Variants in MFSD2B observed in about 807,000 individuals in gnomAD.
The protein encoded by MFSD2B is MFSD2 lysolipid transporter B, sphingolipid.
A neutral mutation model predicts 58.4 loss-of-function variants in MFSD2B; 56 were observed. That is an observed-to-expected ratio of 0.96 (90% CI 0.77 to 1.20). MFSD2B has a LOEUF of 1.20. MFSD2B is among the 50% of genes most tolerant of loss of function. The probability of loss-of-function intolerance (pLI) is 0.00; values close to 1 mark genes in which losing one functional copy is unlikely to be tolerated. For missense variants in MFSD2B, 645 were observed against 667.6 expected (o/e 0.97, Z 0.37); for synonymous variants, 287 against 294.4 (o/e 0.97, Z 0.26).
At position 24,012,171 on chromosome 2, in the gene MFSD2B, C is replaced by A. The variant is rs569740796; in HGVS notation, c.97-1114C>A. On this transcript the variant is annotated intron_variant, in intron 1 of 13. Coordinates refer to ENST00000338315, the MANE Select transcript of MFSD2B (RefSeq NM_001346880.2). This position sits in a 1 kb window ranked among gnomAD's most constrained non-coding sequence, Gnocchi z 4.5. ...AACAAAACACACACACACACACACACACACACACAAAAACAGACAAAAAAA... is the reference window on the plus strand; with the variant it reads ...AACAAAACACACACACACACACACAAACACACACAAAAACAGACAAAAAAA... Among the ~76,000 whole-genome samples the A allele has an allele frequency of 0.12, 3,307 of 28,332 alleles. 138 individuals are homozygous for A. Among genetic ancestry groups the A allele is most frequent in the African/African-American group, 0.19 (2,817 of 14,650 alleles). The allele number at this position is 28,332 out of a possible 152,430, so 18.6% of individuals were successfully genotyped here.
chr2:24,016,328 T>G, intron 3 of MFSD2B, 48 bp downstream of exon 3: 1 of 1,585,218 alleles, frequency 6.3e-7, no homozygotes, highest in South Asian at 1.2e-5. Flanking sequence ...GTCCTGGCCC[T>G]GAGGTCACTG....
Position 24,021,792 on chromosome 2 carries a change from G to A in MFSD2B, c.772+54G>A, listed in dbSNP as rs1196509314. The stretch of plus-strand genomic sequence containing the variant: ...AAGCTGGGGGCAGGGCTCTGCTTGG[G>A]GGCAGGTTTTGCTTTTGAACTCTGC... On this transcript the variant is annotated intron_variant, in intron 7 of 13. Coordinates refer to ENST00000338315, the MANE Select transcript of MFSD2B (RefSeq NM_001346880.2). The surrounding 1 kb of genome is among the most constrained non-coding windows in gnomAD (Gnocchi z 5.7). 1.9e-6 allele frequency: 3 copies of A among 1,612,764 alleles called. No homozygotes were observed. The highest frequency in any genetic ancestry group is 2.5e-6 in the Non-Finnish European group (3 of 1,179,264).
At position 24,017,164 on chromosome 2, in the gene MFSD2B, T is replaced by C; in HGVS notation, c.472-122T>C. The C allele has an allele frequency of 1.6e-6, 2 of 1,279,714 alleles. No homozygotes were observed. Among genetic ancestry groups the C allele is most frequent in the Non-Finnish European group, 2.2e-6 (2 of 926,836 alleles). The allele number at this position is 1,279,714 out of a possible 1,614,324, so 79.3% of individuals were successfully genotyped here. ...TTGGGACCCTAGCTCCGACTTCAGG[T>C]GGCCAGCTGGGATATGTCACGTTGG... is the stretch of plus-strand genomic sequence containing the variant. On this transcript the variant is annotated intron_variant, in intron 4 of 13. Transcript: ENST00000338315. This position sits in a 1 kb window ranked among gnomAD's most constrained non-coding sequence, Gnocchi z 4.8.
chr2:24,022,011 C>T lies in MFSD2B; in HGVS notation c.894+41C>T. 6.2e-7 allele frequency: 1 copy of T among 1,612,858 alleles called. No homozygotes were observed. The highest frequency in any genetic ancestry group is 8.5e-7 in the Non-Finnish European group (1 of 1,179,168). On this transcript the variant is annotated intron_variant, in intron 8 of 13. Transcript: ENST00000338315. This position sits in a 1 kb window ranked among gnomAD's most constrained non-coding sequence, Gnocchi z 4.5. ...TGCCCCCGACAGGCTTGGTGCTGGC[C>T]ATGCTGACCTTGCATAGGTTCAGGG... is the stretch of plus-strand genomic sequence containing the variant.
Position 24,025,562 on chromosome 2 carries a change from C to A in MFSD2B, c.*106C>A. 9.5e-7 allele frequency: 1 copy of A among 1,048,416 alleles called. No homozygotes were observed. 64.9% of individuals were successfully genotyped at this position (1,048,416 alleles called of 1,614,324 possible). On this transcript the variant is annotated 3_prime_UTR_variant, in exon 14 of 14. Coordinates refer to ENST00000338315, the MANE Select transcript of MFSD2B (RefSeq NM_001346880.2). ...CTGGTCTGGCAGTTTAGTATGTGAC[C>A]TTTCTCCCTGGGATGTGGAGTCTTC...
At chr2:24,011,134 G>A (rs1481831772) in intron 1 of MFSD2B, among the ~76,000 whole-genome samples, 1 of 152,210 alleles carries the variant, frequency 6.6e-6, no homozygotes, top group Admixed American at 6.5e-5. Context: ...AGAGATAGCA[G>A]GGCTGCGCCC....
chr2:24,013,279 C>A lies in MFSD2B; in HGVS notation c.97-6C>A. The stretch of plus-strand genomic sequence containing the variant: ...GAGAAGGGCTTAGTTCCTGTGTCTC[C>A]TCCAGGACAGCAGAGCCGGTCGCCT... On this transcript the variant is annotated splice_polypyrimidine_tract_variant and splice_region_variant and intron_variant, in intron 1 of 13. Coordinates refer to ENST00000338315, the MANE Select transcript of MFSD2B (RefSeq NM_001346880.2). 1 of 1,597,196 alleles carries A rather than the reference C, an allele frequency of 6.3e-7. No individual in the cohort carries two copies. Among genetic ancestry groups the A allele is most frequent in the South Asian group, 1.1e-5 (1 of 89,676 alleles).
intron 1 of MFSD2B, among the ~76,000 whole-genome samples, chr2:24,011,626 T>C (rs1414575681): frequency 1.3e-5 from 2 of 152,216 alleles, no homozygotes; most frequent in African/African-American, 4.8e-5. Flanking sequence ...GCCCAGCTTC[T>C]TCCAAAGAAA....
chr2:24,024,324 G>A lies in MFSD2B; in HGVS notation c.1490+53G>A, dbSNP rs373263522. On this transcript the variant is annotated intron_variant, in intron 13 of 13. Transcript: ENST00000338315. This position sits in a 1 kb window ranked among gnomAD's most constrained non-coding sequence, Gnocchi z 4.3. ...GCGAGGCACAGTGTGGGCTGCTGGG[G>A]GAATGACTAACACCAGCCTGCAGAC... 8 of 1,524,914 alleles carry A rather than the reference G, an allele frequency of 5.2e-6. No homozygotes were observed. Among genetic ancestry groups the A allele is most frequent in the Non-Finnish European group, 7.1e-6 (8 of 1,131,144 alleles). 94.5% of individuals were successfully genotyped at this position (1,524,914 alleles called of 1,614,324 possible).
In MFSD2B at chr2:24,022,617, C is replaced by T; in HGVS notation, c.978+101C>T. On this transcript the variant is annotated intron_variant, in intron 9 of 13. Coordinates refer to ENST00000338315, the MANE Select transcript of MFSD2B (RefSeq NM_001346880.2). This position sits in a 1 kb window ranked among gnomAD's most constrained non-coding sequence, Gnocchi z 4.5. ...CACATATGGCCAGAGTTCTGGTGGT[C>T]AACATTTTGGACTTTGCTTTGGTCT... 1.9e-6 allele frequency: 2 copies of T among 1,063,366 alleles called. No homozygotes were observed. The highest frequency in any genetic ancestry group is 2.7e-6 in the Non-Finnish European group (2 of 729,356). 65.9% of individuals were successfully genotyped at this position (1,063,366 alleles called of 1,614,324 possible).
chr2:24,017,252 C>T lies in MFSD2B; in HGVS notation c.472-34C>T. ...GGTCGCCCGCTGTCACCAGGCAAAG[C>T]TGGGGGCGGTTCTAAGCTCTGCCGA... On this transcript the variant is annotated intron_variant, in intron 4 of 13. Coordinates refer to ENST00000338315, the MANE Select transcript of MFSD2B (RefSeq NM_001346880.2). The surrounding 1 kb of genome is among the most constrained non-coding windows in gnomAD (Gnocchi z 4.8). 6.4e-7 allele frequency: 1 copy of T among 1,561,506 alleles called. No homozygotes were observed. Among genetic ancestry groups the T allele is most frequent in the Non-Finnish European group, 8.7e-7 (1 of 1,153,202 alleles).
chr2:24,013,068 C>T (rs769760103), intron 1 of MFSD2B: 3 of 399,746 alleles, frequency 7.5e-6, no homozygotes, highest in Non-Finnish European at 1.3e-5. Context: ...TCCAGAAGAA[C>T]TTCCCCCCTG....
At position 24,013,395 on chromosome 2, in the gene MFSD2B, G is replaced by A. The variant is rs751837281; in HGVS notation, c.207G>A (p.Leu69=). 4 of 1,608,042 alleles carry A rather than the reference G, an allele frequency of 2.5e-6. No individual in the cohort carries two copies. The African/African-American group carries it at 4.0e-5, about 16-fold the overall frequency. Residue 69 remains leucine (L), a synonymous_variant, in exon 2 of 14, where the codon CTG becomes CTA. Coordinates refer to ENST00000338315, the MANE Select transcript of MFSD2B (RefSeq NM_001346880.2). ...CAGCCTTTTACCTGCAGCTTTTCCTGCTTGATATAGCACAGGTAAGTGTGG... is the reference window on the plus strand; with the variant it reads ...CAGCCTTTTACCTGCAGCTTTTCCTACTTGATATAGCACAGGTAAGTGTGG... ...SATAFYLQLF[L]LDIAQIPAAQ...
rs1020847828 is a variant in MFSD2B, at chr2:24,024,772, G to A, written c.1490+501G>A. Among the ~76,000 whole-genome samples, 2 of 152,070 alleles carry A rather than the reference G, an allele frequency of 1.3e-5. No individual in the cohort carries two copies. The highest frequency in any genetic ancestry group is 2.9e-5 in the Non-Finnish European group (2 of 68,008). On this transcript the variant is annotated intron_variant, in intron 13 of 13. Transcript: ENST00000338315. This position sits in a 1 kb window ranked among gnomAD's most constrained non-coding sequence, Gnocchi z 4.3. The stretch of plus-strand genomic sequence containing the variant: ...CTTCTGTGTCCCTGTCTTGGTGAAT[G>A]ACACCATCGTTCCCTCTGGGTGGAA...
In MFSD2B at chr2:24,025,421, C is replaced by T; in HGVS notation, c.1491-11C>T. The T allele has an allele frequency of 1.0e-5, 16 of 1,536,032 alleles. No homozygotes were observed. Among genetic ancestry groups the T allele is most frequent in the Non-Finnish European group, 1.4e-5 (16 of 1,146,832 alleles). On this transcript the variant is annotated splice_polypyrimidine_tract_variant and intron_variant, in intron 13 of 13. Transcript: ENST00000338315. ...TCCATCCTTCTCCTTGGCTTCCTTC[C>T]CTTCCCACAGGAGGACCAGCTACAG...
At chr2:24,018,717 G>GAAA (rs550408376) in intron 6 of MFSD2B, 1,809 of 147,996 alleles carry the variant, frequency 0.012, 28 homozygotes, top group South Asian at 0.052. Context: ...TCCTTTTCTG[G>GAAA]AAAAAAAAAA....
chr2:24,016,649 A>G (rs1709155403), intron 3 of MFSD2B, among the ~76,000 whole-genome samples, 196 bp from the exon 4 acceptor site: 1 of 152,152 alleles, frequency 6.6e-6, no homozygotes, highest in Non-Finnish European at 1.5e-5. Context: ...TGGAGCTCCC[A>G]CGAGGAGTGG....
At position 24,023,804 on chromosome 2, in the gene MFSD2B, A is replaced by G; in HGVS notation, c.1313+78A>G. ...AGAGGGCAAAGCCCCTCACCTACCA[A>G]GCTCAGGGCATCCATGAGCCTGGGG... On this transcript the variant is annotated intron_variant, in intron 12 of 13. Coordinates refer to ENST00000338315, the MANE Select transcript of MFSD2B (RefSeq NM_001346880.2). The surrounding 1 kb of genome is among the most constrained non-coding windows in gnomAD (Gnocchi z 5.0). 6.5e-7 allele frequency: 1 copy of G among 1,530,094 alleles called. No homozygotes were observed. The highest frequency in any genetic ancestry group is 8.9e-7 in the Non-Finnish European group (1 of 1,119,288). The allele number at this position is 1,530,094 out of a possible 1,614,324, so 94.8% of individuals were successfully genotyped here. A position where few individuals can be genotyped will look rare whatever the true frequency, so the allele number is the denominator to read the frequency against.
At position 24,017,077 on chromosome 2, in the gene MFSD2B, T is replaced by C; in HGVS notation, c.471+109T>C. 1 of 1,503,992 alleles carries C rather than the reference T, an allele frequency of 6.6e-7. No individual in the cohort carries two copies. The highest frequency in any genetic ancestry group is 1.2e-5 in the South Asian group (1 of 82,662). The allele number at this position is 1,503,992 out of a possible 1,614,324, so 93.2% of individuals were successfully genotyped here. On this transcript the variant is annotated intron_variant, in intron 4 of 13. Coordinates refer to ENST00000338315, the MANE Select transcript of MFSD2B (RefSeq NM_001346880.2). The surrounding 1 kb of genome is among the most constrained non-coding windows in gnomAD (Gnocchi z 4.8). ...GGCTGCCGCCCTCCCCACCCGCCTG[T>C]GCCTGGACCATGCCATTGGCACTCG... is the stretch of plus-strand genomic sequence containing the variant.
Sources: allele counts gnomAD v4.1 joint callset (sites outside exome capture counted in the v4.1 genomes callset), GRCh38; gene constraint gnomAD v4.1.1; non-coding constraint Gnocchi (gnomAD v3.1); transcripts MANE v1.5; gene names NCBI Gene and HGNC (gene_info 2026-07-23, HGNC 2026-07-21).